Variants in PBX1 observed in about 807,000 individuals in gnomAD.
The protein encoded by PBX1 is PBX homeobox 1.
PBX1 carries 6 observed loss-of-function variants against 53.4 expected under a neutral mutation model. The ratio of observed to expected loss-of-function variants is 0.11; its 90% CI spans 0.06 to 0.22. PBX1 has a LOEUF of 0.22. Ranked by LOEUF, PBX1 falls within the 10% of genes least tolerant of loss-of-function variation. The probability of loss-of-function intolerance (pLI) is 1.00; values close to 1 mark genes in which losing one functional copy is unlikely to be tolerated. For synonymous variants in PBX1, 204 were observed against 212.3 expected (o/e 0.96, Z 0.34); for missense variants, 251 against 551.4 (o/e 0.46, Z 5.46).
chr1:164,683,244 C>T lies in PBX1; in HGVS notation c.266-109250C>T, dbSNP rs561982634. ...TTTCATTTGATCCCAAGTGGTATGT[C>T]CTGAGACAGAAGAAATAGCCCCATT... On this transcript the variant is annotated intron_variant, in intron 2 of 8. Transcript: ENST00000420696. 18 of 152,218 alleles carry T rather than the reference C, an allele frequency of 1.2e-4. No individual in the cohort carries two copies. In the South Asian group the frequency reaches 1.7e-3, roughly 14 times the overall value. 9.4% of individuals were successfully genotyped at this position (152,218 alleles called of 1,614,324 possible).
chr1:164,611,389 C>G (rs1656914953), intron 2 of PBX1, among the ~76,000 whole-genome samples: 1 of 152,170 alleles, frequency 6.6e-6, no homozygotes, highest in Non-Finnish European at 1.5e-5. Context: ...AGGCGCCCGC[C>G]ACCACGCCCG....
chr1:164,848,886 T>C lies in PBX1; in HGVS notation c.*2210T>C, dbSNP rs886476861. 2.8e-6 allele frequency: 3 copies of C among 1,067,860 alleles called. No individual in the cohort carries two copies. The highest frequency in any genetic ancestry group is 3.4e-6 in the Non-Finnish European group (3 of 881,068). 66.1% of individuals were successfully genotyped at this position (1,067,860 alleles called of 1,614,324 possible). A position where few individuals can be genotyped will look rare whatever the true frequency, so the allele number is the denominator to read the frequency against. ...CTGAAGAAACTCAAGGGAATGTGTA[T>C]TTGAAGGAAATGCAAAAACTAAGTA... On this transcript the variant is annotated 3_prime_UTR_variant, in exon 9 of 9. Transcript: ENST00000420696.
At position 164,663,148 on chromosome 1, in the gene PBX1, G is replaced by T. The variant is rs142602130; in HGVS notation, c.265+99837G>T. On this transcript the variant is annotated intron_variant, in intron 2 of 8. Coordinates refer to ENST00000420696, the MANE Select transcript of PBX1 (RefSeq NM_002585.4). ...TGGAAGCGTGCCTACCTTTCTGCCT[G>T]CCTTCTTGCCTGCCTGCCTTCCTTC... 4.2e-3 allele frequency among the ~76,000 whole-genome samples: 621 copies of T among 149,060 alleles called. 5 individuals are homozygous for T. Among genetic ancestry groups the T allele is most frequent in the African/African-American group, 0.014 (582 of 40,896 alleles).
chr1:164,876,665 G>A (rs941303314), intron 2 of PBX1, among the ~76,000 whole-genome samples: 6 of 152,014 alleles, frequency 3.9e-5, no homozygotes, highest in Admixed American at 2.0e-4. Flanking sequence ...ATAGAAGAGT[G>A]GAATAAAGCC....
intron 2 of PBX1, among the ~76,000 whole-genome samples, chr1:164,592,858 C>T (rs1655490748): frequency 6.6e-6 from 1 of 152,170 alleles, no homozygotes; most frequent in Non-Finnish European, 1.5e-5. Flanking sequence ...CTGTCGTGAG[C>T]ACTCACCTGT....
At chr1:164,751,572 A>G (rs1038421406) in intron 2 of PBX1, among the ~76,000 whole-genome samples, 1 of 138,464 alleles carries the variant, frequency 7.2e-6, no homozygotes, top group African/African-American at 2.8e-5. Flanking sequence ...TAATGGGTTT[A>G]TTGCCCCCCT....
chr1:164,563,093 A>T (rs1011309554), intron 1 of PBX1, 145 bp from the exon 2 acceptor site: 2 of 517,796 alleles, frequency 3.9e-6, no homozygotes, highest in Non-Finnish European at 6.9e-6. Flanking sequence ...CTGTATATTA[A>T]GTCATGAAAA....
rs141669515 is a variant in PBX1 at position 164,560,047 on chromosome 1, G to GT, written c.191+40dup. ...GAGGCTTTTCTTTTCCTTTCTTGGG[G>GT]TTTTTTGTTTTTCTTCCTCTTGCAG... On this transcript the variant is annotated intron_variant, in intron 1 of 8. Transcript: ENST00000420696. 35 of 1,314,528 alleles carry GT rather than the reference G, an allele frequency of 2.7e-5. 1 individual carries two copies. The Admixed American group carries it at 9.1e-4, about 34-fold the overall frequency. The allele number at this position is 1,314,528 out of a possible 1,614,324, so 81.4% of individuals were successfully genotyped here.
chr1:164,818,812 GA>G (rs3835582), intron 6 of PBX1: 31,185 of 151,612 alleles, frequency 0.21, 3,404 homozygotes, highest in African/African-American at 0.26. Flanking sequence ...TTCTATGGGG[GA>G]AAAAAAGTCC....
intron 2 of PBX1, among the ~76,000 whole-genome samples, chr1:164,687,581 AAAG>A (rs1198793326): frequency 8.9e-4 from 134 of 151,372 alleles, no homozygotes; most frequent in Admixed American, 6.1e-3. Context: ...AAAAAAAAAA[AAAG>A]GAAATAGTTT....
chr1:164,673,688 G>A (rs888056498), intron 2 of PBX1, among the ~76,000 whole-genome samples: 1 of 152,014 alleles, frequency 6.6e-6, no homozygotes, highest in African/African-American at 2.4e-5. Flanking sequence ...CTAGGAATCT[G>A]CTTAAATTTT....
intron 2 of PBX1, among the ~76,000 whole-genome samples, chr1:164,596,194 T>C (rs2101786423): frequency 6.6e-6 from 1 of 152,310 alleles, no homozygotes; most frequent in South Asian, 2.1e-4. Flanking sequence ...AAATATTTTC[T>C]GTGCAGAAAG....
chr1:164,640,148 A>G (rs1254797822), intron 2 of PBX1, among the ~76,000 whole-genome samples: 1 of 152,166 alleles, frequency 6.6e-6, no homozygotes, highest in Non-Finnish European at 1.5e-5. Context: ...AACAGATCGC[A>G]GCCTGGCTCC....
intron 2 of PBX1, among the ~76,000 whole-genome samples, chr1:164,694,255 A>T (rs1662673456): frequency 6.6e-6 from 1 of 152,124 alleles, no homozygotes; most frequent in African/African-American, 2.4e-5. Flanking sequence ...GGTTTGCTTC[A>T]TATCTCTTTG....
At chr1:164,715,403 G>A (rs1006449051) in intron 2 of PBX1, among the ~76,000 whole-genome samples, 6 of 152,226 alleles carry the variant, frequency 3.9e-5, no homozygotes, top group East Asian at 1.9e-4. Context: ...GAAGACCTGC[G>A]AAGGCCTAGT....
At chr1:164,870,021 G>T (rs529425072) in intron 2 of PBX1, among the ~76,000 whole-genome samples, 3 of 152,266 alleles carry the variant, frequency 2.0e-5, no homozygotes, top group Non-Finnish European at 4.4e-5. Context: ...TCACAGCCAG[G>T]ACTACGAATT....
At chr1:164,597,299 G>C (rs1250616005) in intron 2 of PBX1, among the ~76,000 whole-genome samples, 1 of 152,184 alleles carries the variant, frequency 6.6e-6, no homozygotes, top group Non-Finnish European at 1.5e-5. Context: ...TATCTTCCCT[G>C]TCTTTTGTGG....
chr1:164,575,076 A>C (rs987729387), intron 2 of PBX1, among the ~76,000 whole-genome samples: 1 of 152,220 alleles, frequency 6.6e-6, no homozygotes, highest in African/African-American at 2.4e-5. Flanking sequence ...GATGGAATGC[A>C]TATGTTGTTT....
chr1:164,599,670 T>C (rs1351388131), intron 2 of PBX1, among the ~76,000 whole-genome samples: 1 of 152,204 alleles, frequency 6.6e-6, no homozygotes, highest in African/African-American at 2.4e-5. Context: ...GACACTTGTC[T>C]CATTTCTTGC....
Sources: gnomAD v4.1 joint callset for allele counts (sites outside exome capture counted in the v4.1 genomes callset) on GRCh38, gnomAD v4.1.1 for gene constraint, MANE v1.5 for transcripts, NCBI Gene and HGNC (gene_info 2026-07-23, HGNC 2026-07-21) for gene names.